Variants in CACNA1E observed in about 807,000 individuals in gnomAD.
CACNA1E encodes the protein calcium voltage-gated channel subunit alpha1 E.
CACNA1E carries 40 observed loss-of-function variants against 259.2 expected under a neutral mutation model. That is an observed-to-expected ratio of 0.15 (90% CI 0.12 to 0.20). The LOEUF (loss-of-function observed/expected upper bound fraction) is 0.20, where lower values mean the gene tolerates loss of function less well. Ranked by LOEUF, CACNA1E falls within the 10% of genes least tolerant of loss-of-function variation. The pLI is 1.00. For synonymous variants in CACNA1E, 1,104 were observed against 1,138.5 expected (o/e 0.97, Z 0.61); for missense variants, 1,874 against 3,040.1 (o/e 0.62, Z 9.02).
intron 3 of CACNA1E, among the ~76,000 whole-genome samples, chr1:181,524,993 A>G (rs1667248435): frequency 1.3e-5 from 2 of 152,238 alleles, no homozygotes; most frequent in Non-Finnish European, 2.9e-5. Context: ...GAGTCAAGAA[A>G]TATTTGCTAT....
intron 32 of CACNA1E, among the ~76,000 whole-genome samples, chr1:181,761,238 C>G (rs541620414): frequency 6.6e-6 from 1 of 152,144 alleles, no homozygotes; most frequent in Non-Finnish European, 1.5e-5. Context: ...TGTTCATAAC[C>G]TTCTGAGTGG....
At chr1:181,587,743 C>T (rs1041995641) in intron 6 of CACNA1E, among the ~76,000 whole-genome samples, 14 of 152,054 alleles carry the variant, frequency 9.2e-5, no homozygotes, top group African/African-American at 3.1e-4. Flanking sequence ...AATAGCCGGG[C>T]GCAGTGGCGG....
At chr1:181,397,381 A>C (rs1281092127) in intron 1 of CACNA1E, among the ~76,000 whole-genome samples, 2 of 152,142 alleles carry the variant, frequency 1.3e-5, no homozygotes, top group Middle Eastern at 3.4e-3. Flanking sequence ...GCTCACTGCA[A>C]CCTCCACCTA....
Position 181,798,239 on chromosome 1 carries a change from G to A in CACNA1E, c.6400-53G>A, listed in dbSNP as rs1661977906. The stretch of plus-strand genomic sequence containing the variant: ...AAGGACTCTCTTAACAGAGTTGCAA[G>A]TAGGGATCATGCCAAGCCCAATCTA... On this transcript the variant is annotated intron_variant, in intron 47 of 47. Coordinates refer to ENST00000367573, the MANE Select transcript of CACNA1E (RefSeq NM_001205293.3). This position sits in a 1 kb window ranked among gnomAD's most constrained non-coding sequence, Gnocchi z 4.2. 1.4e-6 allele frequency: 2 copies of A among 1,436,922 alleles called. No homozygotes were observed. Among genetic ancestry groups the A allele is most frequent in the African/African-American group, 1.4e-5 (1 of 70,964 alleles). The allele number at this position is 1,436,922 out of a possible 1,614,324, so 89.0% of individuals were successfully genotyped here.
chr1:181,755,817 T>G, intron 28 of CACNA1E, 139 bp from the exon 29 acceptor site: 1 of 897,014 alleles, frequency 1.1e-6, no homozygotes, highest in Non-Finnish European at 1.6e-6. Context: ...ATACCTTCCT[T>G]TAATAGAATT....
intron 16 of CACNA1E, among the ~76,000 whole-genome samples, chr1:181,722,670 T>G (rs1274840548): frequency 6.6e-6 from 1 of 152,232 alleles, no homozygotes; most frequent in African/African-American, 2.4e-5. Context: ...ATGTGATTTA[T>G]AATTACAAAC....
In CACNA1E at chr1:181,485,487, C is replaced by G. The variant is rs1401839096; in HGVS notation, c.266+1477C>G. Among the ~76,000 whole-genome samples, 1 of 152,228 alleles carries G rather than the reference C, an allele frequency of 6.6e-6. No homozygotes were observed. Among genetic ancestry groups the G allele is most frequent in the Non-Finnish European group, 1.5e-5 (1 of 68,042 alleles). Reference sequence around the variant, plus strand: ...TGCTGCTGTTCGCATCCTCCCACAGCAACCCCGGCTGGGCTTCTCCCTCTC... The same window carrying G: ...TGCTGCTGTTCGCATCCTCCCACAGGAACCCCGGCTGGGCTTCTCCCTCTC... On this transcript the variant is annotated intron_variant, in intron 1 of 47. Coordinates refer to ENST00000367573, the MANE Select transcript of CACNA1E (RefSeq NM_001205293.3). This position sits in a 1 kb window ranked among gnomAD's most constrained non-coding sequence, Gnocchi z 4.2.
chr1:181,647,185 G>T (rs1658351851), intron 6 of CACNA1E, among the ~76,000 whole-genome samples: 1 of 152,162 alleles, frequency 6.6e-6, no homozygotes, highest in Non-Finnish European at 1.5e-5. Context: ...GGTGTGGGAT[G>T]GAGGGGCTGG....
chr1:181,551,509 G>T (rs547851681), intron 3 of CACNA1E, among the ~76,000 whole-genome samples: 3 of 152,306 alleles, frequency 2.0e-5, no homozygotes, highest in African/African-American at 4.8e-5. Context: ...AGACAGACCC[G>T]CCAGCTCAGC....
At chr1:181,468,440 A>C (rs1030107374) in intron 2 of CACNA1E, among the ~76,000 whole-genome samples, 13 of 152,176 alleles carry the variant, frequency 8.5e-5, no homozygotes, top group Non-Finnish European at 1.6e-4. Context: ...TAAGGAGTCC[A>C]TGTCCTGCTT....
chr1:181,569,631 T>A (rs1445929052), intron 3 of CACNA1E, among the ~76,000 whole-genome samples: 1 of 152,250 alleles, frequency 6.6e-6, no homozygotes, highest in East Asian at 1.9e-4. Flanking sequence ...CACATGTGGC[T>A]ACACCCCCTT....
Position 181,743,296 on chromosome 1 carries a change from A to G in CACNA1E, c.3719+4043A>G, listed in dbSNP as rs555203710. Among the ~76,000 whole-genome samples, 5 of 152,282 alleles carry G rather than the reference A, an allele frequency of 3.3e-5. No homozygotes were observed. In the East Asian group the frequency reaches 9.6e-4, roughly 29 times the overall value. ...TGGATCTATGAAACCTTCCTCTTTT[A>G]TCTTTTTCTTTCCAATGAAGAGGGA... On this transcript the variant is annotated intron_variant, in intron 25 of 47. Transcript: ENST00000367573.
intron 1 of CACNA1E, among the ~76,000 whole-genome samples, chr1:181,334,214 C>T (rs1303867446): frequency 2.6e-5 from 4 of 152,310 alleles, no homozygotes; most frequent in East Asian, 1.9e-4. Context: ...TTTCAGGACA[C>T]GCCCTCTCCT....
At chr1:181,717,029 A>G (rs1653962927) in intron 10 of CACNA1E, 64 bp from the exon 11 acceptor site, 1 of 1,426,908 alleles carries the variant, frequency 7.0e-7, no homozygotes, top group Non-Finnish European at 9.9e-7. Context: ...TGCCCTTCGA[A>G]TGCTCCCTGG....
chr1:181,582,330 T>C (rs1651622953), intron 6 of CACNA1E, among the ~76,000 whole-genome samples: 1 of 152,130 alleles, frequency 6.6e-6, no homozygotes, highest in Non-Finnish European at 1.5e-5. Flanking sequence ...GAGGCAAGGT[T>C]GATGAGTGCA....
At chr1:181,661,743 C>A (rs183975106) in intron 7 of CACNA1E, among the ~76,000 whole-genome samples, 23 of 152,280 alleles carry the variant, frequency 1.5e-4, no homozygotes, top group African/African-American at 5.3e-4. Flanking sequence ...CTCATTTAAT[C>A]CTCACAGTGA....
Position 181,577,863 on chromosome 1 carries a change from A to G in CACNA1E, c.610A>G (p.Ile204Val), listed in dbSNP as rs1651125483. The change falls in exon 4 of 48, where the codon ATA (isoleucine) becomes GTA (valine). Residue 204 changes from isoleucine (I) to valine (V), a missense_variant. Coordinates refer to ENST00000367573, the MANE Select transcript of CACNA1E (RefSeq NM_001205293.3). ...GCGGCCTTTGAAGCTCGTGTCAGGGATACCTAGTGAGCATCTGCCATTCTT... is the reference window on the plus strand; with the variant it reads ...GCGGCCTTTGAAGCTCGTGTCAGGGGTACCTAGTGAGCATCTGCCATTCTT... Reference protein sequence around the residue: ...VLRPLKLVSGIPSLQIVLKSI... With the variant: ...VLRPLKLVSGVPSLQIVLKSI... 6.2e-7 allele frequency: 1 copy of G among 1,603,772 alleles called. No homozygotes were observed. Among genetic ancestry groups the G allele is most frequent in the Non-Finnish European group, 8.5e-7 (1 of 1,173,072 alleles).
chr1:181,512,336 G>C (rs1051501205), intron 3 of CACNA1E, among the ~76,000 whole-genome samples: 2 of 152,140 alleles, frequency 1.3e-5, no homozygotes, highest in African/African-American at 4.8e-5. Flanking sequence ...ACTGAGGAGT[G>C]GTCCTGTGTG....
At chr1:181,555,857 C>T in intron 3 of CACNA1E, among the ~76,000 whole-genome samples, 1 of 152,216 alleles carries the variant, frequency 6.6e-6, no homozygotes, top group East Asian at 1.9e-4. Flanking sequence ...GTGGCTCCTG[C>T]TAGTCTGAAA....
Sources: allele counts gnomAD v4.1 joint callset (sites outside exome capture counted in the v4.1 genomes callset), GRCh38; gene constraint gnomAD v4.1.1; non-coding constraint Gnocchi (gnomAD v3.1); transcripts MANE v1.5; gene names NCBI Gene and HGNC (gene_info 2026-07-23, HGNC 2026-07-21).